CCDC178: variants seen among roughly 807,000 people sequenced by gnomAD.
The protein encoded by CCDC178 is coiled-coil domain-containing protein 178.
A neutral mutation model predicts 117.4 loss-of-function variants in CCDC178; 126 were observed. The observed-to-expected ratio is 1.07, with a 90% CI of 0.93 to 1.24. The LOEUF (loss-of-function observed/expected upper bound fraction) is 1.24. Ranked by LOEUF, CCDC178 falls within the 50% of genes most tolerant of loss-of-function variation. The pLI is 0.00. For synonymous variants in CCDC178, 283 were observed against 313.4 expected (o/e 0.90, Z 1.02); for missense variants, 1,030 against 986.9 (o/e 1.04, Z -0.59).
chr18:32,954,058 C>T (rs1002038999), intron 22 of CCDC178: 6 of 152,116 alleles, frequency 3.9e-5, no homozygotes, highest in Non-Finnish European at 8.8e-5. Flanking sequence ...GGTGTCCCTA[C>T]TTGCCTTTAA....
chr18:33,264,518 C>G (rs1213814862), intron 14 of CCDC178, among the ~76,000 whole-genome samples: 1 of 151,896 alleles, frequency 6.6e-6, no homozygotes, highest in Non-Finnish European at 1.5e-5. Flanking sequence ...TTTTTAATTC[C>G]TGGTAAAAAT....
At chr18:33,033,728 A>G (rs777533335) in intron 21 of CCDC178, among the ~76,000 whole-genome samples, 1 of 151,824 alleles carries the variant, frequency 6.6e-6, no homozygotes. Context: ...CCCTGTTTGT[A>G]TTTCTCTTCT....
chr18:33,380,379 G>A (rs1227131959), intron 5 of CCDC178, among the ~76,000 whole-genome samples: 1 of 152,206 alleles, frequency 6.6e-6, no homozygotes, highest in Non-Finnish European at 1.5e-5. Context: ...CAGACACGTT[G>A]CTGGGTCACC....
chr18:33,411,399 C>G (rs1162005937), intron 3 of CCDC178, among the ~76,000 whole-genome samples: 2 of 152,070 alleles, frequency 1.3e-5, no homozygotes, highest in Admixed American at 1.3e-4. Flanking sequence ...ATATAAAAAC[C>G]ATTCTTAATT....
At chr18:33,091,324 C>CTTTTTTTTTTTT (rs746505005) in intron 21 of CCDC178, among the ~76,000 whole-genome samples, 3,174 of 43,900 alleles carry the variant, frequency 0.072, 1,228 homozygotes, top group Non-Finnish European at 0.097. Flanking sequence ...TTATTTCATT[C>CTTTTTTTTTTTT]TTTTTTTTTT....
intron 20 of CCDC178, among the ~76,000 whole-genome samples, chr18:33,120,600 T>A (rs1475211802): frequency 6.6e-5 from 10 of 152,104 alleles, no homozygotes; most frequent in Admixed American, 6.6e-4. Context: ...CCAGCTGAGA[T>A]GCTTGCTGAG....
Position 33,301,166 on chromosome 18 carries a change from T to A in CCDC178, c.1023-7854A>T, listed in dbSNP as rs571159715. ...TGGCTCAAAGGACCCCAGGTATGGT[T>A]TTGGCTGCCACTCTGGAGGGTACAA... On this transcript the variant is annotated intron_variant, in intron 11 of 22. Transcript: ENST00000383096. Among the ~76,000 whole-genome samples the A allele has an allele frequency of 5.3e-5, 8 of 152,274 alleles. No homozygotes were observed. In the East Asian group the frequency reaches 1.5e-3, roughly 29 times the overall value.
intron 15 of CCDC178, among the ~76,000 whole-genome samples, chr18:33,230,660 T>C (rs1008830435): frequency 6.6e-6 from 1 of 152,148 alleles, no homozygotes; most frequent in African/African-American, 2.4e-5. Context: ...TCAGGGCCCA[T>C]TACAACGTCA....
At chr18:33,379,829 G>C (rs1218561369) in intron 5 of CCDC178, among the ~76,000 whole-genome samples, 1 of 152,110 alleles carries the variant, frequency 6.6e-6, no homozygotes, top group Non-Finnish European at 1.5e-5. Flanking sequence ...CCAAATGCCT[G>C]GAGATCTGCC....
upstream of CCDC178, chr18:33,440,753 C>T: frequency 6.5e-6 from 1 of 154,478 alleles, no homozygotes; most frequent in Non-Finnish European, 1.4e-5. Flanking sequence ...CGTGTCCAGG[C>T]AACCGCGGGG....
At chr18:33,267,326 G>A (rs2059831573) in intron 12 of CCDC178, 29 bp from the exon 13 acceptor site, 8 of 1,269,312 alleles carry the variant, frequency 6.3e-6, no homozygotes, top group East Asian at 2.4e-5. Flanking sequence ...AGAACAAAGT[G>A]AATTGTATAG....
chr18:33,401,708 T>TCC (rs1386650584), intron 3 of CCDC178, among the ~76,000 whole-genome samples: 5 of 152,068 alleles, frequency 3.3e-5, no homozygotes, highest in African/African-American at 1.2e-4. Context: ...ATGATACTTT[T>TCC]ATCTTCTTTG....
At chr18:33,348,231 T>C (rs2062922897) in intron 8 of CCDC178, among the ~76,000 whole-genome samples, 1 of 151,940 alleles carries the variant, frequency 6.6e-6, no homozygotes, top group South Asian at 2.1e-4. Flanking sequence ...CTGAGTTTAT[T>C]ACTTAGTTTT....
chr18:33,214,633 G>GTAAA (rs2144598323), intron 19 of CCDC178, among the ~76,000 whole-genome samples: 1 of 152,118 alleles, frequency 6.6e-6, no homozygotes, highest in South Asian at 2.1e-4. Flanking sequence ...ATCTTTAAAA[G>GTAAA]TAAATGATAT....
intron 16 of CCDC178, among the ~76,000 whole-genome samples, chr18:33,225,828 G>T (rs139935059): frequency 6.6e-6 from 1 of 152,134 alleles, no homozygotes; most frequent in African/African-American, 2.4e-5. Flanking sequence ...CAAAATTTAG[G>T]TTTACTTCCA....
At chr18:33,228,899 A>G (rs571199518) in intron 15 of CCDC178, among the ~76,000 whole-genome samples, 1 of 152,314 alleles carries the variant, frequency 6.6e-6, no homozygotes, top group South Asian at 2.1e-4. Flanking sequence ...TTCTGAGAGA[A>G]CTACTGAATA....
chr18:33,086,969 G>GACACACACACAC (rs71949744), intron 21 of CCDC178, among the ~76,000 whole-genome samples: 6 of 124,124 alleles, frequency 4.8e-5, no homozygotes, highest in African/African-American at 1.5e-4. Flanking sequence ...GCTATTGGTT[G>GACACACACACAC]ACACACACAC....
At chr18:33,378,475 T>C (rs1233886084) in intron 5 of CCDC178, among the ~76,000 whole-genome samples, 1 of 152,180 alleles carries the variant, frequency 6.6e-6, no homozygotes, top group Non-Finnish European at 1.5e-5. Flanking sequence ...TCCAATACTA[T>C]GTTGAATAGT....
At chr18:33,220,069 T>G in intron 18 of CCDC178, among the ~76,000 whole-genome samples, 1 of 152,012 alleles carries the variant, frequency 6.6e-6, no homozygotes, top group East Asian at 1.9e-4. Context: ...ACACATCCAT[T>G]TGTTTATGCT....
Sources: allele counts gnomAD v4.1 joint callset (sites outside exome capture counted in the v4.1 genomes callset), GRCh38; gene constraint gnomAD v4.1.1; transcripts MANE v1.5; gene names NCBI Gene and HGNC (gene_info 2026-07-23, HGNC 2026-07-21).